Variants in GLIS3 observed in about 807,000 individuals in gnomAD.
The protein encoded by GLIS3 is zinc finger protein GLIS3.
In GLIS3, 53 loss-of-function variants were observed where a neutral mutation model predicts 78.6. The observed-to-expected ratio is 0.67, with a 90% CI of 0.54 to 0.85. The LOEUF (loss-of-function observed/expected upper bound fraction) is 0.85, where lower values mean the gene tolerates loss of function less well. Among genes scored for constraint, GLIS3 ranks in the 40% least tolerant of loss-of-function variants. The pLI, the probability that GLIS3 is intolerant of heterozygous loss-of-function variation, is 0.00. For synonymous variants in GLIS3, 684 were observed against 509.9 expected (o/e 1.34, Z -4.60); for missense variants, 1,703 against 1,231.1 (o/e 1.38, Z -5.74).
the GLIS3 span, among the ~76,000 whole-genome samples, chr9:4,371,915 C>G: frequency 6.6e-6 from 1 of 152,194 alleles, no homozygotes; most frequent in African/African-American, 2.4e-5. Flanking sequence ...GTCCTCCCAC[C>G]TACTTCGATG....
At chr9:4,162,604 A>C (rs1835569025) in intron 2 of GLIS3, among the ~76,000 whole-genome samples, 1 of 152,142 alleles carries the variant, frequency 6.6e-6, no homozygotes, top group South Asian at 2.1e-4. Context: ...TCACGCCTGT[A>C]ATCCCAGCAC....
At chr9:3,998,792 A>T (rs990354898) in intron 4 of GLIS3, among the ~76,000 whole-genome samples, 3 of 148,538 alleles carry the variant, frequency 2.0e-5, no homozygotes, top group Non-Finnish European at 4.5e-5. Context: ...TAATATTTTA[A>T]TAAAATAATA....
chr9:4,238,100 T>G (rs1822943985), intron 2 of GLIS3, among the ~76,000 whole-genome samples: 1 of 152,022 alleles, frequency 6.6e-6, no homozygotes, highest in South Asian at 2.1e-4. Context: ...AAGTCAGGAG[T>G]AAGCCTTTAG....
intron 2 of GLIS3, among the ~76,000 whole-genome samples, chr9:4,333,868 G>A (rs1232485683): frequency 2.6e-5 from 4 of 151,866 alleles, no homozygotes; most frequent in African/African-American, 4.8e-5. Context: ...AAAAAGGTGC[G>A]ATTTCAGGCA....
the GLIS3 span, among the ~76,000 whole-genome samples, chr9:4,369,545 A>T: frequency 6.6e-6 from 1 of 152,190 alleles, no homozygotes; most frequent in Non-Finnish European, 1.5e-5. Flanking sequence ...GAAGAACATT[A>T]GCCTGAGAGT....
intron 2 of GLIS3, among the ~76,000 whole-genome samples, chr9:4,285,376 A>C (rs1325726417): frequency 6.6e-6 from 1 of 152,196 alleles, no homozygotes; most frequent in Non-Finnish European, 1.5e-5. Context: ...TAATGAATTA[A>C]AAGCACATTC....
chr9:4,261,252 C>T (rs143561585), intron 2 of GLIS3, among the ~76,000 whole-genome samples: 183 of 152,232 alleles, frequency 1.2e-3, no homozygotes, highest in African/African-American at 4.2e-3. Context: ...GCAGAATAAA[C>T]GCTCCCAATT....
chr9:4,372,666 A>G, the GLIS3 span, among the ~76,000 whole-genome samples: 1 of 152,210 alleles, frequency 6.6e-6, no homozygotes, highest in South Asian at 2.1e-4. Flanking sequence ...CCGATGACCA[A>G]ACGGAGAAAG....
At chr9:4,139,960 T>C (rs1464784912) in intron 2 of GLIS3, among the ~76,000 whole-genome samples, 1 of 152,168 alleles carries the variant, frequency 6.6e-6, no homozygotes, top group Non-Finnish European at 1.5e-5. Flanking sequence ...AGCTACTCAA[T>C]ATAAATCAAT....
At chr9:4,406,243 GA>G in the GLIS3 span, among the ~76,000 whole-genome samples, 1 of 151,688 alleles carries the variant, frequency 6.6e-6, no homozygotes, top group Middle Eastern at 3.2e-3. Flanking sequence ...ATAAGAGAAA[GA>G]AAAAAAAGGG....
At chr9:4,221,007 G>C (rs970182419) in intron 2 of GLIS3, among the ~76,000 whole-genome samples, 2 of 152,038 alleles carry the variant, frequency 1.3e-5, no homozygotes, top group Non-Finnish European at 2.9e-5. Flanking sequence ...TAATTAATAA[G>C]TGTTTCTCTG....
chr9:3,916,249 C>T (rs1824503577), intron 6 of GLIS3, among the ~76,000 whole-genome samples: 1 of 152,192 alleles, frequency 6.6e-6, no homozygotes, highest in South Asian at 2.1e-4. Context: ...ATACGGGCGA[C>T]TTAATTTTTC....
At chr9:4,423,264 C>A in the GLIS3 span, among the ~76,000 whole-genome samples, 1 of 152,148 alleles carries the variant, frequency 6.6e-6, no homozygotes, top group East Asian at 1.9e-4. Flanking sequence ...GACCCCAAGA[C>A]CCCTAATTTT....
At chr9:3,877,380 C>A (rs1444814694) in intron 8 of GLIS3, among the ~76,000 whole-genome samples, 1 of 152,182 alleles carries the variant, frequency 6.6e-6, no homozygotes, top group Non-Finnish European at 1.5e-5. Flanking sequence ...TGGGAGGAGG[C>A]TAATGATTTG....
chr9:4,399,747 C>T, the GLIS3 span, among the ~76,000 whole-genome samples: 1 of 152,136 alleles, frequency 6.6e-6, no homozygotes, highest in Non-Finnish European at 1.5e-5. Flanking sequence ...GTGATACATG[C>T]TACAGTGGTT....
chr9:4,264,540 C>G (rs1730359855), intron 2 of GLIS3, among the ~76,000 whole-genome samples: 3 of 152,246 alleles, frequency 2.0e-5, no homozygotes, highest in Non-Finnish European at 4.4e-5. Context: ...TCTATAAGAA[C>G]CAAAATGACC....
the GLIS3 span, among the ~76,000 whole-genome samples, chr9:4,463,589 G>A: frequency 5.9e-5 from 9 of 152,032 alleles, no homozygotes; most frequent in East Asian, 9.6e-4. Flanking sequence ...ATCTTAATCC[G>A]CCTAGAGATA....
rs35310357 is a variant in GLIS3 at position 4,162,854 on chromosome 9, CAAAAAAAA to C, written c.389-36921_389-36914del. ...CCCGGGCGACAGAGTCTCGCTCTGT[CAAAAAAAA>C]AAAAAAAAAAAAAAAAAAATCAATC... On this transcript the variant is annotated intron_variant, in intron 2 of 10. Coordinates refer to ENST00000381971, the MANE Select transcript of GLIS3 (RefSeq NM_001042413.2). 9.5e-3 allele frequency among the ~76,000 whole-genome samples: 705 copies of C among 73,872 alleles called. 12 individuals are homozygous for C. The highest frequency in any genetic ancestry group is 0.037 in the African/African-American group (687 of 18,698). The allele number at this position is 73,872 out of a possible 152,430, so 48.5% of individuals were successfully genotyped here. A position where few individuals can be genotyped will look rare whatever the true frequency, so the allele number is the denominator to read the frequency against.
the GLIS3 span, among the ~76,000 whole-genome samples, chr9:4,423,506 C>G: frequency 6.6e-6 from 1 of 152,112 alleles, no homozygotes; most frequent in African/African-American, 2.4e-5. Context: ...GACACCAAAG[C>G]TCCTATCTGG....
Sources: gnomAD v4.1 joint callset for allele counts (sites outside exome capture counted in the v4.1 genomes callset) on GRCh38, gnomAD v4.1.1 for gene constraint, MANE v1.5 for transcripts, NCBI Gene and HGNC (gene_info 2026-07-23, HGNC 2026-07-21) for gene names.